MRE11: variants seen among roughly 807,000 people sequenced by gnomAD.
MRE11 encodes double-strand break repair protein MRE11.
MRE11 carries 62 observed loss-of-function variants against 91.7 expected under a neutral mutation model. The observed-to-expected ratio is 0.68, with a 90% confidence interval of 0.55 to 0.84. The LOEUF is 0.84. MRE11 is among the 40% of genes least tolerant of loss of function. The probability of loss-of-function intolerance (pLI) is 0.00; values close to 1 mark genes in which losing one functional copy is unlikely to be tolerated. For synonymous variants in MRE11, 273 were observed against 271.4 expected (o/e 1.01, Z -0.06); for missense variants, 796 against 852.9 (o/e 0.93, Z 0.83).
chr11:94,460,819 C>T (rs1376123118), intron 12 of MRE11, 117 bp downstream of exon 12: 1 of 865,298 alleles, frequency 1.2e-6, no homozygotes, highest in Non-Finnish European at 1.9e-6. Context: ...ACCCTACTTA[C>T]TTCATAGAAA....
In MRE11 at chr11:94,476,360, T is replaced by C. The variant is rs786203233; in HGVS notation, c.588A>G (p.Lys196=). The C allele has an allele frequency of 6.2e-7, 1 of 1,613,138 alleles. No individual in the cohort carries two copies. Among genetic ancestry groups the C allele is most frequent in the African/African-American group, 1.3e-5 (1 of 74,898 alleles). ...DERLYRMFVN[K]KVTMLRPKED... ...CCTTTGGTCTCAACATTGTTACTTT[T>C]TTATTGACAAACATTCGATAGAGCC... The change falls in exon 7 of 20, where the codon AAA becomes AAG. Residue 196 remains lysine (K), a synonymous_variant. Coordinates refer to ENST00000323929, the MANE Select transcript of MRE11 (RefSeq NM_005591.4).
At chr11:94,430,699 G>C (rs1332055271) in intron 18 of MRE11, among the ~76,000 whole-genome samples, 2 of 151,936 alleles carry the variant, frequency 1.3e-5, no homozygotes, top group African/African-American at 4.8e-5. Context: ...TCTATCTCTT[G>C]ACCTCGTGAT....
chr11:94,479,047 G>A (rs763100852), intron 5 of MRE11, among the ~76,000 whole-genome samples, 171 bp from the exon 6 acceptor site: 5 of 152,132 alleles, frequency 3.3e-5, no homozygotes, highest in South Asian at 2.1e-4. Context: ...CTACATTTTT[G>A]TACTACAAAT....
At chr11:94,432,412 C>G (rs956131272) in intron 18 of MRE11, among the ~76,000 whole-genome samples, 5 of 152,190 alleles carry the variant, frequency 3.3e-5, no homozygotes, top group African/African-American at 1.2e-4. Flanking sequence ...GGAAAACAAA[C>G]ACTCTTCTGC....
rs780850078 is a variant in MRE11, at chr11:94,437,199, A to C, written c.1904T>G (p.Val635Gly). ...KSTRQQPSRN[V>G]TTKNYSEVIE... ...TACCTCTGAATAATTCTTAGTAGTG[A>C]CATTTCGGGAAGGCTGCTGTCTTGT... The change falls in exon 17 of 20, where the codon GTC (valine) becomes GGC (glycine). Residue 635 changes from valine to glycine, a missense_variant. Coordinates refer to ENST00000323929, the MANE Select transcript of MRE11 (RefSeq NM_005591.4). 4.3e-6 allele frequency: 7 copies of C among 1,612,948 alleles called. No individual in the cohort carries two copies. The South Asian group carries it at 7.7e-5, about 18-fold the overall frequency.
At position 94,470,640 on chromosome 11, in the gene MRE11, T is replaced by C. The variant is rs142727857; in HGVS notation, c.848A>G (p.His283Arg). 8.7e-6 allele frequency: 14 copies of C among 1,612,716 alleles called. No homozygotes were observed. The African/African-American group carries it at 1.2e-4, about 14-fold the overall frequency. Residue 283 changes from histidine to arginine, a missense_variant and splice_region_variant, in exon 9 of 20, where the codon CAT (histidine) becomes CGT (arginine). Coordinates refer to ENST00000323929, the MANE Select transcript of MRE11 (RefSeq NM_005591.4). Reference sequence around the variant, plus strand: ...CCCTTTAATACGCAGCAAACCAACATGTCTGAAGTGGAGAGAAATGAACAC... The same window carrying C: ...CCCTTTAATACGCAGCAAACCAACACGTCTGAAGTGGAGAGAAATGAACAC... ...SLSPGEAVKK[H>R]VGLLRIKGRK... is the part of the protein sequence containing the mutation.
At chr11:94,449,915 C>T (rs993032010) in intron 14 of MRE11, among the ~76,000 whole-genome samples, 4 of 152,132 alleles carry the variant, frequency 2.6e-5, no homozygotes, top group Non-Finnish European at 5.9e-5. Flanking sequence ...AGTCTGACAT[C>T]GATCAAAATG....
rs34587826 is a variant in MRE11 at position 94,440,430 on chromosome 11, TA to T, written c.1868-3196del. On this transcript the variant is annotated intron_variant, in intron 16 of 19. Transcript: ENST00000323929. ...AATCCAAATTAGTACCTCAAACATT[TA>T]AAAAAAAAAAAAAATTCTCAATGGC... is the stretch of plus-strand genomic sequence containing the variant. 9.1e-3 allele frequency among the ~76,000 whole-genome samples: 1,317 copies of T among 145,452 alleles called. 8 individuals are homozygous for T. Among genetic ancestry groups the T allele is most frequent in the African/African-American group, 0.01 (413 of 39,772 alleles).
At chr11:94,480,426 T>C (rs1025497396) in intron 4 of MRE11, among the ~76,000 whole-genome samples, 5 of 152,256 alleles carry the variant, frequency 3.3e-5, no homozygotes, top group Non-Finnish European at 5.9e-5. Flanking sequence ...AGCCACACAG[T>C]ACTCCATTGC....
intron 15 of MRE11, among the ~76,000 whole-genome samples, 196 bp from the exon 16 acceptor site, chr11:94,446,089 T>C (rs1038115560): frequency 6.6e-6 from 1 of 152,260 alleles, no homozygotes; most frequent in Non-Finnish European, 1.5e-5. Flanking sequence ...CTTCAGTTTA[T>C]CCAATTTAAT....
At chr11:94,493,004 G>T (rs1215001529) in intron 1 of MRE11, 98 bp from the exon 2 acceptor site, 4 of 576,342 alleles carry the variant, frequency 6.9e-6, no homozygotes, top group Non-Finnish European at 1.2e-5. Flanking sequence ...GTCTTAATTA[G>T]ACTGGCAAAT....
At chr11:94,430,469 T>G (rs1416345516) in intron 18 of MRE11, among the ~76,000 whole-genome samples, 1 of 150,790 alleles carries the variant, frequency 6.6e-6, no homozygotes, top group Non-Finnish European at 1.5e-5. Context: ...AAATCATAAT[T>G]CCTACTCTTT....
At chr11:94,437,324 G>T in intron 16 of MRE11, 89 bp from the exon 17 acceptor site, 1 of 1,186,662 alleles carries the variant, frequency 8.4e-7, no homozygotes, top group Non-Finnish European at 1.2e-6. Context: ...GATTTTCTGA[G>T]TCCTATCTGC....
intron 5 of MRE11, 121 bp downstream of exon 5, chr11:94,479,553 T>G: frequency 1.2e-6 from 1 of 819,852 alleles, no homozygotes; most frequent in Non-Finnish European, 2.0e-6. Flanking sequence ...ATGTGAAAAG[T>G]CAACTTGACT....
At chr11:94,508,690 G>A in the MRE11 span, among the ~76,000 whole-genome samples, 1 of 151,608 alleles carries the variant, frequency 6.6e-6, no homozygotes, top group Non-Finnish European at 1.5e-5. Flanking sequence ...CTTATTATGT[G>A]GTAGTGTAGA....
intron 3 of MRE11, among the ~76,000 whole-genome samples, chr11:94,488,419 G>A (rs1947197426): frequency 6.6e-6 from 1 of 152,126 alleles, no homozygotes; most frequent in South Asian, 2.1e-4. Context: ...GCTAAAAATG[G>A]AACTACCATT....
intron 14 of MRE11, among the ~76,000 whole-genome samples, chr11:94,453,459 T>C (rs966131527): frequency 6.6e-6 from 1 of 152,214 alleles, no homozygotes; most frequent in Non-Finnish European, 1.5e-5. Flanking sequence ...TTCTAATTTC[T>C]CCACATTCTT....
At chr11:94,456,692 T>C (rs1056243645) in intron 13 of MRE11, among the ~76,000 whole-genome samples, 4 of 152,174 alleles carry the variant, frequency 2.6e-5, no homozygotes, top group Non-Finnish European at 5.9e-5. Context: ...TTGAAATATT[T>C]ATTACATTGC....
At chr11:94,458,515 A>G (rs1946322974) in intron 13 of MRE11, among the ~76,000 whole-genome samples, 1 of 152,154 alleles carries the variant, frequency 6.6e-6, no homozygotes, top group Non-Finnish European at 1.5e-5. Flanking sequence ...AACATTTCCA[A>G]TTATTCCCCA....
Sources: gnomAD v4.1 joint callset for allele counts (sites outside exome capture counted in the v4.1 genomes callset) on GRCh38, gnomAD v4.1.1 for gene constraint, MANE v1.5 for transcripts, NCBI Gene and HGNC (gene_info 2026-07-23, HGNC 2026-07-21) for gene names.